NR3C1: variants seen among roughly 807,000 people sequenced by gnomAD.
NR3C1 encodes nuclear receptor subfamily 3 group C member 1, also known as glucocorticoid receptor.
Under a neutral mutation model 74.0 loss-of-function variants are expected in NR3C1, and 14 were observed. The ratio of observed to expected loss-of-function variants is 0.19; its 90% CI spans 0.12 to 0.30. The LOEUF is 0.30. NR3C1 is among the 10% of genes least tolerant of loss of function. The pLI is 1.00. For synonymous variants in NR3C1, 308 were observed against 332.5 expected (o/e 0.93, Z 0.80); for missense variants, 695 against 909.8 (o/e 0.76, Z 3.04).
chr5:143,308,841 T>C (rs1290020400), intron 4 of NR3C1, among the ~76,000 whole-genome samples: 3 of 152,218 alleles, frequency 2.0e-5, no homozygotes, highest in African/African-American at 7.2e-5. Flanking sequence ...TTATACCTAG[T>C]GACTGCCTTG....
intron 2 of NR3C1, among the ~76,000 whole-genome samples, chr5:143,337,193 A>G (rs2151728227): frequency 6.6e-6 from 1 of 152,304 alleles, no homozygotes; most frequent in Admixed American, 6.5e-5. Context: ...AACTAGAAAA[A>G]TGGACAAAAA....
intron 6 of NR3C1, among the ~76,000 whole-genome samples, chr5:143,297,797 T>C (rs1483426541): frequency 1.3e-5 from 2 of 152,182 alleles, no homozygotes; most frequent in African/African-American, 4.8e-5. Flanking sequence ...TATCTGGTGA[T>C]GTGAACACCA....
intron 2 of NR3C1, among the ~76,000 whole-genome samples, chr5:143,336,734 G>A (rs1273194589): frequency 6.6e-6 from 1 of 152,026 alleles, no homozygotes; most frequent in East Asian, 1.9e-4. Context: ...CACTTTGGGA[G>A]GCTAAAGCAG....
chr5:143,323,341 G>A (rs1285954679), intron 2 of NR3C1, among the ~76,000 whole-genome samples: 1 of 152,166 alleles, frequency 6.6e-6, no homozygotes, highest in African/African-American at 2.4e-5. Context: ...TTACATGGTG[G>A]TGGCAAGAGA....
chr5:143,311,154 C>A (rs1479316389), intron 3 of NR3C1, among the ~76,000 whole-genome samples: 1 of 152,146 alleles, frequency 6.6e-6, no homozygotes, highest in Non-Finnish European at 1.5e-5. Flanking sequence ...AGCTTCTTTA[C>A]TTGGACAGAA....
chr5:143,363,238 A>C (rs1019159223), intron 2 of NR3C1, among the ~76,000 whole-genome samples: 2 of 152,190 alleles, frequency 1.3e-5, no homozygotes, highest in African/African-American at 2.4e-5. Context: ...AAGAATATAA[A>C]ATTTACAGAA....
At chr5:143,396,660 T>C (rs1228245649) in intron 2 of NR3C1, among the ~76,000 whole-genome samples, 1 of 151,640 alleles carries the variant, frequency 6.6e-6, no homozygotes, top group Admixed American at 6.6e-5. Context: ...TCTACATAAA[T>C]TTTAGTAGCT....
At chr5:143,347,516 T>C (rs10482647) in intron 2 of NR3C1, among the ~76,000 whole-genome samples, 1 of 152,230 alleles carries the variant, frequency 6.6e-6, no homozygotes, top group African/African-American at 2.4e-5. Context: ...TTATTTCTAA[T>C]GTCTATTCAA....
At chr5:143,393,980 G>A (rs575428907) in intron 2 of NR3C1, among the ~76,000 whole-genome samples, 1 of 151,828 alleles carries the variant, frequency 6.6e-6, no homozygotes, top group African/African-American at 2.4e-5. Context: ...AAAAATTCAA[G>A]GTAAGATAAT....
At chr5:143,424,390 C>T (rs1371836946) in intron 1 of NR3C1, among the ~76,000 whole-genome samples, 1 of 152,042 alleles carries the variant, frequency 6.6e-6, no homozygotes, top group African/African-American at 2.4e-5. Flanking sequence ...AACACAAATA[C>T]ATTACAAATG....
chr5:143,410,732 A>G (rs1003927633), intron 1 of NR3C1, among the ~76,000 whole-genome samples: 1 of 152,202 alleles, frequency 6.6e-6, no homozygotes, highest in Non-Finnish European at 1.5e-5. Context: ...CTTTATTTGG[A>G]AAACTTAGAG....
At chr5:143,397,619 G>A (rs1839464909) in intron 2 of NR3C1, among the ~76,000 whole-genome samples, 1 of 151,794 alleles carries the variant, frequency 6.6e-6, no homozygotes, top group Non-Finnish European at 1.5e-5. Context: ...ATACCTTCTT[G>A]TTAGGACACA....
At chr5:143,418,347 G>A (rs1012049988) in intron 1 of NR3C1, among the ~76,000 whole-genome samples, 1 of 152,152 alleles carries the variant, frequency 6.6e-6, no homozygotes, top group African/African-American at 2.4e-5. Context: ...TTTTGGCTTT[G>A]TCCCCCTTTC....
At chr5:143,345,142 T>C (rs567659441) in intron 2 of NR3C1, among the ~76,000 whole-genome samples, 2 of 152,228 alleles carry the variant, frequency 1.3e-5, no homozygotes, top group African/African-American at 4.8e-5. Context: ...CTCTGAGCTA[T>C]GAGTATAAGC....
At chr5:143,365,894 A>C (rs1398486178) in intron 2 of NR3C1, among the ~76,000 whole-genome samples, 2 of 152,246 alleles carry the variant, frequency 1.3e-5, no homozygotes, top group African/African-American at 4.8e-5. Context: ...AAGTTCCTAA[A>C]TAATAAACGG....
intron 1 of NR3C1, chr5:143,401,191 G>A (rs1840209726): frequency 6.8e-6 from 2 of 293,390 alleles, no homozygotes; most frequent in Non-Finnish European, 1.3e-5. Flanking sequence ...TGATTATTCT[G>A]AAGGTTCAAG....
intron 2 of NR3C1, among the ~76,000 whole-genome samples, chr5:143,367,239 T>A (rs1220038099): frequency 6.6e-6 from 1 of 151,702 alleles, no homozygotes. Context: ...AAGAAAACAC[T>A]CAACAAACTA....
intron 2 of NR3C1, among the ~76,000 whole-genome samples, chr5:143,396,463 T>A (rs1839201609): frequency 6.6e-6 from 1 of 151,732 alleles, no homozygotes; most frequent in South Asian, 2.1e-4. Context: ...AAAGAAAGTA[T>A]CCATGGGGGT....
At chr5:143,306,874 A>T (rs995141985) in intron 4 of NR3C1, among the ~76,000 whole-genome samples, 9 of 82,874 alleles carry the variant, frequency 1.1e-4, no homozygotes, top group Non-Finnish European at 1.3e-4. Context: ...GTATGCTTAA[A>T]TTTTTTTTTT....
Sources: allele counts gnomAD v4.1 joint callset (sites outside exome capture counted in the v4.1 genomes callset), GRCh38; gene constraint gnomAD v4.1.1; transcripts MANE v1.5; gene names NCBI Gene and HGNC (gene_info 2026-07-23, HGNC 2026-07-21).